IFT46: variants seen among roughly 807,000 people sequenced by gnomAD.
IFT46 encodes the protein intraflagellar transport protein 46 homolog.
IFT46 carries 19 observed loss-of-function variants against 39.6 expected under a neutral mutation model. That is an observed-to-expected ratio of 0.48 (90% CI 0.33 to 0.70). IFT46 has a LOEUF of 0.70. IFT46 is among the 30% of genes least tolerant of loss of function. The pLI is 0.01. For missense variants in IFT46, 334 were observed against 364.8 expected (o/e 0.92, Z 0.69); for synonymous variants, 117 against 134.8 (o/e 0.87, Z 0.91).
intron 9 of IFT46, among the ~76,000 whole-genome samples, chr11:118,549,550 G>T (rs1385805495): frequency 7.1e-6 from 1 of 141,608 alleles, no homozygotes; most frequent in Non-Finnish European, 1.5e-5. Flanking sequence ...TTTTGAGACA[G>T]AGTCTCGCTC....
chr11:118,551,079 A>T (rs1316746593), intron 9 of IFT46, among the ~76,000 whole-genome samples: 1 of 151,214 alleles, frequency 6.6e-6, no homozygotes, highest in Non-Finnish European at 1.5e-5. Flanking sequence ...TACCACATAT[A>T]CATGGGTTTC....
Position 118,559,856 on chromosome 11 carries a change from G to A in IFT46, c.-27C>T, listed in dbSNP as rs782401277. 2.1e-5 allele frequency: 33 copies of A among 1,598,676 alleles called. No homozygotes were observed. Among genetic ancestry groups the A allele is most frequent in the South Asian group, 1.1e-4 (10 of 89,626 alleles). ...GCCTTGTTAGGAAGATGGGCAGAAC[G>A]AGGAAGTCCTTAGAAAAAAAGTTTT... On this transcript the variant is annotated 5_prime_UTR_variant, in exon 3 of 12. Coordinates refer to ENST00000264021, the MANE Select transcript of IFT46 (RefSeq NM_001168618.2).
At chr11:118,575,552 A>G (rs1565357296), upstream of IFT46, among the ~76,000 whole-genome samples, 1 of 152,112 alleles carries the variant, frequency 6.6e-6, no homozygotes, top group African/African-American at 2.4e-5. Flanking sequence ...TTTTATTGTA[A>G]TCTTCTCTCT....
At chr11:118,557,717 G>A in intron 3 of IFT46, 1 of 1,613,124 alleles carries the variant, frequency 6.2e-7, no homozygotes, top group Non-Finnish European at 8.5e-7. Context: ...CAGCTCTTTT[G>A]TTCTTGACAT....
chr11:118,569,799 A>G (rs1312119681), upstream of IFT46, among the ~76,000 whole-genome samples: 4 of 152,238 alleles, frequency 2.6e-5, no homozygotes, highest in Admixed American at 2.0e-4. Flanking sequence ...AATGGCTGGT[A>G]TGCTGTAAGT....
chr11:118,556,424 C>T (rs927064649), intron 4 of IFT46, among the ~76,000 whole-genome samples: 2 of 151,960 alleles, frequency 1.3e-5, no homozygotes, highest in South Asian at 2.1e-4. Context: ...ACCCAGGAGG[C>T]GGAGCTTGCA....
At chr11:118,557,098 A>C (rs1591367353) in intron 3 of IFT46, 53 bp from the exon 4 acceptor site, 1 of 1,474,648 alleles carries the variant, frequency 6.8e-7, no homozygotes, top group Non-Finnish European at 9.0e-7. Context: ...AATCAAATGT[A>C]CCTATGCCCA....
chr11:118,554,523 T>C lies in IFT46; in HGVS notation c.419A>G (p.Lys140Arg), dbSNP rs782769140. Residue 140 changes from lysine to arginine, a missense_variant, in exon 7 of 12, where the codon AAG (lysine) becomes AGG (arginine). Physicochemically the swap from Lys to Arg is conservative, Grantham distance 26. Coordinates refer to ENST00000264021, the MANE Select transcript of IFT46 (RefSeq NM_001168618.2). Reference sequence around the variant, plus strand: ...TGAGAGCACCGTAGGGTCTGACTGCTTTGTAGAAGGTTCATCCAATACCAA... The same window carrying C: ...TGAGAGCACCGTAGGGTCTGACTGCCTTGTAGAAGGTTCATCCAATACCAA... The part of the protein sequence containing the change: ...GLLVLDEPST[K>R]QSDPTVLSLW... 1 of 1,613,808 alleles carries C rather than the reference T, an allele frequency of 6.2e-7. No homozygotes were observed. Among genetic ancestry groups the C allele is most frequent in the Non-Finnish European group, 8.5e-7 (1 of 1,179,894 alleles).
intron 2 of IFT46, chr11:118,561,560 G>A (rs1450860394): frequency 3.0e-6 from 2 of 676,016 alleles, no homozygotes; most frequent in Non-Finnish European, 5.4e-6. Context: ...CAGAGCTCAG[G>A]AGCAGGCTGC....
At chr11:118,557,559 G>A in intron 3 of IFT46, 1 of 679,294 alleles carries the variant, frequency 1.5e-6, no homozygotes, top group South Asian at 1.9e-5. Flanking sequence ...TCAACCTTGT[G>A]CCCATCAAAC....
intron 9 of IFT46, among the ~76,000 whole-genome samples, chr11:118,547,561 G>C (rs1218989424): frequency 6.6e-6 from 1 of 151,980 alleles, no homozygotes; most frequent in Non-Finnish European, 1.5e-5. Context: ...TGGGATTACA[G>C]ATGTGCGCCA....
chr11:118,560,137 G>A, intron 2 of IFT46: 1 of 370,604 alleles, frequency 2.7e-6, no homozygotes, highest in Non-Finnish European at 4.8e-6. Flanking sequence ...CTCTGGCCAG[G>A]GGCAGTGGCT....
chr11:118,550,977 G>A (rs1246414737), intron 9 of IFT46, among the ~76,000 whole-genome samples: 1 of 148,556 alleles, frequency 6.7e-6, no homozygotes. Flanking sequence ...GTTGCAGTGA[G>A]CCAAGATCAT....
chr11:118,567,456 A>G (rs960585308), upstream of IFT46, among the ~76,000 whole-genome samples: 4 of 150,780 alleles, frequency 2.7e-5, no homozygotes, highest in Non-Finnish European at 4.4e-5. Flanking sequence ...CGCGCCTGTA[A>G]TCCCAGCCAC....
chr11:118,572,541 C>T (rs1555072624), intron 1 of IFT46: 3 of 1,611,620 alleles, frequency 1.9e-6, no homozygotes, highest in Non-Finnish European at 8.5e-7. Flanking sequence ...CCACCACCGC[C>T]CTCACCATGG....
intron 5 of IFT46, 27 bp from the exon 6 acceptor site, chr11:118,555,110 G>C (rs782065735): frequency 1.9e-6 from 3 of 1,576,870 alleles, no homozygotes; most frequent in Non-Finnish European, 2.6e-6. Flanking sequence ...AGGGAAGGTG[G>C]AGACAGTCAG....
intron 1 of IFT46, among the ~76,000 whole-genome samples, chr11:118,572,071 C>T (rs1369364013): frequency 3.6e-5 from 5 of 140,788 alleles, no homozygotes; most frequent in African/African-American, 1.4e-4. Flanking sequence ...GCCTGGGCGA[C>T]AGAGTGAGAC....
In IFT46 at chr11:118,551,546, T is replaced by C. The variant is rs570174823; in HGVS notation, c.672+240A>G. Among the ~76,000 whole-genome samples, 5 of 151,282 alleles carry C rather than the reference T, an allele frequency of 3.3e-5. No homozygotes were observed. The South Asian group carries it at 1.1e-3, about 32-fold the overall frequency. On this transcript the variant is annotated intron_variant, in intron 9 of 11. Coordinates refer to ENST00000264021, the MANE Select transcript of IFT46 (RefSeq NM_001168618.2). ...AAAAATGGCTGAGTGTGGTGGTGCA[T>C]GCCTGTGGTCCCAGCTACTGGTAAG...
chr11:118,564,529 A>G (rs187477914), intron 2 of IFT46, among the ~76,000 whole-genome samples: 23 of 152,280 alleles, frequency 1.5e-4, no homozygotes, highest in Non-Finnish European at 3.1e-4. Flanking sequence ...TTGGTAACAT[A>G]GCGAGGCCTC....
Sources: allele counts gnomAD v4.1 joint callset (sites outside exome capture counted in the v4.1 genomes callset), GRCh38; gene constraint gnomAD v4.1.1; transcripts MANE v1.5; gene names NCBI Gene and HGNC (gene_info 2026-07-23, HGNC 2026-07-21).